Variants in TMEM52B observed in about 807,000 individuals in gnomAD.
The protein encoded by TMEM52B is chromosome 12 open reading frame 59.
In TMEM52B, 11 loss-of-function variants were observed where a neutral mutation model predicts 16.1. That is an observed-to-expected ratio of 0.68 (90% CI 0.43 to 1.13). TMEM52B has a LOEUF of 1.13. Among genes scored for constraint, TMEM52B ranks in the 50% most tolerant of loss-of-function variants. The probability of loss-of-function intolerance (pLI) is 0.00; values close to 1 mark genes in which losing one functional copy is unlikely to be tolerated. For missense variants in TMEM52B, 243 were observed against 230.4 expected (o/e 1.05, Z -0.35); for synonymous variants, 101 against 93.8 (o/e 1.08, Z -0.45).
chr12:10,176,068 C>T (rs1319837632), upstream of TMEM52B, among the ~76,000 whole-genome samples: 1 of 152,234 alleles, frequency 6.6e-6, no homozygotes, highest in East Asian at 1.9e-4. Context: ...CTTAATGGAA[C>T]TGCACAAGAT....
intron 3 of TMEM52B, among the ~76,000 whole-genome samples, chr12:10,186,001 A>T (rs138482002): frequency 0.018 from 2,758 of 152,234 alleles, 37 homozygotes; most frequent in Middle Eastern, 0.037. Context: ...AAATTGTGCC[A>T]CTGCACTTCA....
intron 1 of TMEM52B, chr12:10,172,160 T>C (rs548590002): frequency 6.3e-5 from 55 of 872,032 alleles, no homozygotes; most frequent in Non-Finnish European, 9.2e-5. Flanking sequence ...TGCAGAAGTA[T>C]TTAAATAGCT....
chr12:10,178,829 C>A (rs1197917158), upstream of TMEM52B, among the ~76,000 whole-genome samples: 1 of 152,204 alleles, frequency 6.6e-6, no homozygotes, highest in Non-Finnish European at 1.5e-5. Context: ...AAATTCTAAT[C>A]TTCCGACTTG....
chr12:10,177,093 T>A (rs980113757), upstream of TMEM52B, among the ~76,000 whole-genome samples: 7 of 152,156 alleles, frequency 4.6e-5, no homozygotes, highest in Non-Finnish European at 8.8e-5. Flanking sequence ...GTTGTATGAA[T>A]GGGAACGTTA....
Position 10,179,431 on chromosome 12 carries a change from C to CGA in TMEM52B, c.-135_-134dup. The CGA allele has an allele frequency of 1.2e-6, 1 of 828,778 alleles. No individual in the cohort carries two copies. Among genetic ancestry groups the CGA allele is most frequent in the South Asian group, 1.5e-5 (1 of 68,196 alleles). The allele number at this position is 828,778 out of a possible 1,614,324, so 51.3% of individuals were successfully genotyped here. On this transcript the variant is annotated 5_prime_UTR_variant, in exon 1 of 5. Transcript: ENST00000543484. ...AGCGAGTAGGAGGAGACAGAGAGAACGAGAGAGAGAAAAGCTGATAAATTC... is the reference window on the plus strand; with the variant it reads ...AGCGAGTAGGAGGAGACAGAGAGAACGAGAGAGAGAGAAAAGCTGATAAATTC...
chr12:10,179,717 T>G, intron 1 of TMEM52B, 89 bp downstream of exon 1: 5 of 1,505,748 alleles, frequency 3.3e-6, no homozygotes, highest in Non-Finnish European at 4.6e-6. Context: ...AACTGCGGGG[T>G]GGGGAGACAT....
intron 4 of TMEM52B, among the ~76,000 whole-genome samples, chr12:10,189,645 G>A (rs200751826): frequency 0.028 from 3,858 of 137,506 alleles, 112 homozygotes; most frequent in African/African-American, 0.057. Flanking sequence ...AAAAAAAAGA[G>A]AGAGAGAGAG....
Position 10,172,035 on chromosome 12 carries a change from G to T in TMEM52B, c.-95+1184G>T, listed in dbSNP as rs757897159. The T allele has an allele frequency of 5.6e-6, 9 of 1,613,454 alleles. No individual in the cohort carries two copies. Among genetic ancestry groups the T allele is most frequent in the Non-Finnish European group, 7.6e-6 (9 of 1,179,754 alleles). ...TTTTTTCCATTTGACTTCTCATCAG[G>T]CTGGTCCTTCACAGTCTGGATCTTT... On this transcript the variant is annotated intron_variant, in intron 1 of 5. Coordinates refer to the TMEM52B transcript ENST00000381923.
chr12:10,187,633 A>G (rs951147870), intron 4 of TMEM52B, among the ~76,000 whole-genome samples: 1 of 151,790 alleles, frequency 6.6e-6, no homozygotes, highest in African/African-American at 2.4e-5. Context: ...ACAATTTACC[A>G]TGTTGGCCAG....
At chr12:10,189,342 G>C (rs1948927988) in intron 4 of TMEM52B, among the ~76,000 whole-genome samples, 1 of 152,038 alleles carries the variant, frequency 6.6e-6, no homozygotes, top group Non-Finnish European at 1.5e-5. Context: ...AAACATTCTT[G>C]GCTGGGTGTG....
chr12:10,170,961 C>T (rs948664040), intron 1 of TMEM52B: 5 of 152,034 alleles, frequency 3.3e-5, no homozygotes, highest in Admixed American at 6.6e-5. Flanking sequence ...TAAACCAATC[C>T]GATTCTTTGC....
intron 4 of TMEM52B, among the ~76,000 whole-genome samples, chr12:10,187,007 A>G (rs576270518): frequency 1.3e-5 from 2 of 151,884 alleles, no homozygotes; most frequent in African/African-American, 4.8e-5. Context: ...TTATTCTTCA[A>G]GGCTTGATAC....
intron 4 of TMEM52B, among the ~76,000 whole-genome samples, chr12:10,189,283 G>A (rs556564191): frequency 6.6e-6 from 1 of 151,916 alleles, no homozygotes; most frequent in South Asian, 2.1e-4. Context: ...TGGGGGAAAG[G>A]GATCTAAGTC....
Position 10,179,390 on chromosome 12 carries a change from A to G in TMEM52B, c.-185A>G. The G allele has an allele frequency of 1.6e-6, 1 of 620,824 alleles. No homozygotes were observed. Among genetic ancestry groups the G allele is most frequent in the Non-Finnish European group, 2.9e-6 (1 of 349,678 alleles). 38.5% of individuals were successfully genotyped at this position (620,824 alleles called of 1,614,324 possible). A position where few individuals can be genotyped will look rare whatever the true frequency, so the allele number is the denominator to read the frequency against. On this transcript the variant is annotated 5_prime_UTR_variant, in exon 1 of 5. It adds an upstream start codon to the 5' untranslated region. Transcript: ENST00000543484. The stretch of plus-strand genomic sequence containing the variant: ...ACAGGAAAGAAGAGGGAAAAGCCAT[A>G]GAAAATAACAGCCAGAGCGAGTAGG...
intron 3 of TMEM52B, among the ~76,000 whole-genome samples, 158 bp downstream of exon 3, chr12:10,185,526 T>C (rs1032319030): frequency 9.2e-5 from 14 of 152,158 alleles, no homozygotes; most frequent in Admixed American, 2.6e-4. Flanking sequence ...CAATACCATC[T>C]CCTCCGCAAA....
Position 10,179,630 on chromosome 12 carries a change from T to C in TMEM52B, c.54+2T>C. 1 of 1,614,162 alleles carries C rather than the reference T, an allele frequency of 6.2e-7. No homozygotes were observed. Among genetic ancestry groups the C allele is most frequent in the Non-Finnish European group, 8.5e-7 (1 of 1,180,024 alleles). Reference sequence around the variant, plus strand: ...TCAGCCCTGCTGTATTTCATCCTGGTGAGTTCAGTGGTGAAAAGGCAGAAA... The same window carrying C: ...TCAGCCCTGCTGTATTTCATCCTGGCGAGTTCAGTGGTGAAAAGGCAGAAA... On this transcript the variant is annotated splice_donor_variant, in intron 1 of 4. Coordinates refer to ENST00000543484, the MANE Select transcript of TMEM52B (RefSeq NM_001384896.1). LOFTEE classifies it high-confidence loss of function.
chr12:10,172,155 A>G, intron 1 of TMEM52B: 1 of 947,022 alleles, frequency 1.1e-6, no homozygotes, highest in Non-Finnish European at 1.7e-6. Flanking sequence ...GCTTCTGCAG[A>G]AGTATTTAAA....
chr12:10,177,767 AAATAATAATAATAATAATAATAATAAT>A (rs199747831), upstream of TMEM52B, among the ~76,000 whole-genome samples: 1 of 118,500 alleles, frequency 8.4e-6, no homozygotes. Flanking sequence ...ACTCTGTCTC[AAATAATAATAATAATAATAATAATAAT>A]AATAATAATA....
upstream of TMEM52B, chr12:10,175,634 G>A (rs529761162): frequency 1.2e-4 from 19 of 152,278 alleles, no homozygotes; most frequent in African/African-American, 4.3e-4. Flanking sequence ...ACTGATTTCA[G>A]TGCCTTTGAA....
Sources: allele counts gnomAD v4.1 joint callset (sites outside exome capture counted in the v4.1 genomes callset), GRCh38; gene constraint gnomAD v4.1.1; transcripts MANE v1.5; gene names NCBI Gene and HGNC (gene_info 2026-07-23, HGNC 2026-07-21).